The following PTER variants were observed in gnomAD, a reference collection of about 807,000 sequenced individuals.
PTER encodes N-acetyltaurine hydrolase.
Under a neutral mutation model 29.6 loss-of-function variants are expected in PTER, and 38 were observed. The ratio of observed to expected loss-of-function variants is 1.28; its 90% confidence interval spans 0.99 to 1.68. The LOEUF is 1.68. PTER is among the 40% of genes most tolerant of loss of function. PTER has a pLI of 0.00. For synonymous variants in PTER, 172 were observed against 154.5 expected (o/e 1.11, Z -0.84); for missense variants, 482 against 427.8 (o/e 1.13, Z -1.12).
At chr10:16,481,922 A>G (rs568059661) in intron 1 of PTER, among the ~76,000 whole-genome samples, 91 of 152,282 alleles carry the variant, frequency 6.0e-4, no homozygotes, top group Non-Finnish European at 1.1e-3. Flanking sequence ...CATGAACTAC[A>G]CACTCCTTGC....
rs922705735 is a variant in PTER at position 16,512,034 on chromosome 10, A to G, written c.*778A>G. 6.6e-6 allele frequency: 1 copy of G among 152,010 alleles called. No homozygotes were observed. The highest frequency in any genetic ancestry group is 2.4e-5 in the African/African-American group (1 of 41,064). The allele number at this position is 152,010 out of a possible 1,614,324, so 9.4% of individuals were successfully genotyped here. ...TACATTTATAATAACAAAGGCCACA[A>G]TTTAATTAATTGGTAAGATATAATG... On this transcript the variant is annotated 3_prime_UTR_variant, in exon 5 of 5. Transcript: ENST00000535784.
downstream of PTER, among the ~76,000 whole-genome samples, chr10:16,515,286 C>A (rs1836933364): frequency 6.6e-6 from 1 of 151,380 alleles, no homozygotes; most frequent in Non-Finnish European, 1.5e-5. Context: ...TCATGTAAAG[C>A]CCCCTTTACC....
At chr10:16,479,904 C>T (rs1835414867) in intron 1 of PTER, among the ~76,000 whole-genome samples, 1 of 151,554 alleles carries the variant, frequency 6.6e-6, no homozygotes, top group Admixed American at 6.6e-5. Flanking sequence ...AGATGCCTTC[C>T]CGTTTTTTTG....
intron 1 of PTER, among the ~76,000 whole-genome samples, chr10:16,445,810 T>C (rs1203601215): frequency 6.6e-6 from 1 of 152,064 alleles, no homozygotes; most frequent in Non-Finnish European, 1.5e-5. Context: ...CCATGCTGTC[T>C]CCTGGGTGGT....
intron 3 of PTER, among the ~76,000 whole-genome samples, chr10:16,491,964 A>G (rs1403462745): frequency 6.6e-6 from 1 of 152,092 alleles, no homozygotes; most frequent in Non-Finnish European, 1.5e-5. Flanking sequence ...ACATACACTC[A>G]TTGTGACAAC....
chr10:16,452,634 CCTT>C (rs1020838312), intron 1 of PTER, among the ~76,000 whole-genome samples: 1 of 151,632 alleles, frequency 6.6e-6, no homozygotes, highest in African/African-American at 2.4e-5. Context: ...TCCTCCTCCT[CCTT>C]CTTCCTCTTC....
intron 3 of PTER, among the ~76,000 whole-genome samples, chr10:16,490,204 T>G (rs553634494): frequency 6.6e-6 from 1 of 152,164 alleles, no homozygotes; most frequent in Non-Finnish European, 1.5e-5. Context: ...ACAGCTCATA[T>G]AATGTATTGA....
At position 16,453,351 on chromosome 10, in the gene PTER, T is replaced by C. The variant is rs78095372; in HGVS notation, c.-49+16304T>C. Among the ~76,000 whole-genome samples, 545 of 152,318 alleles carry C rather than the reference T, an allele frequency of 3.6e-3. 27 individuals are homozygous for C. In the East Asian group the frequency reaches 0.089, roughly 25 times the overall value. Reference sequence around the variant, plus strand: ...TATTGGAAACTAAAAATTGTGCATATATACAGACACACATATATACATATA... The same window carrying C: ...TATTGGAAACTAAAAATTGTGCATACATACAGACACACATATATACATATA... On this transcript the variant is annotated intron_variant, in intron 1 of 4. Coordinates refer to ENST00000535784, the MANE Select transcript of PTER (RefSeq NM_001261836.2).
At chr10:16,479,901 T>C (rs116680609) in intron 1 of PTER, among the ~76,000 whole-genome samples, 1,717 of 151,818 alleles carry the variant, frequency 0.011, 30 homozygotes, top group African/African-American at 0.04. Flanking sequence ...CTGAGATGCC[T>C]TCCCGTTTTT....
chr10:16,455,780 G>T (rs1175961500), intron 1 of PTER, among the ~76,000 whole-genome samples: 1 of 152,166 alleles, frequency 6.6e-6, no homozygotes, highest in African/African-American at 2.4e-5. Flanking sequence ...GTGCCATAGA[G>T]ACTTTACCTA....
In PTER at chr10:16,486,400, A is replaced by C; in HGVS notation, c.481A>C (p.Ser161Arg). 2 of 1,614,032 alleles carry C rather than the reference A, an allele frequency of 1.2e-6. No individual in the cohort carries two copies. Among genetic ancestry groups the C allele is most frequent in the Non-Finnish European group, 1.7e-6 (2 of 1,179,916 alleles). The change falls in exon 3 of 5, where the codon AGT becomes CGT. Residue 161 changes from serine (S) to arginine (R), a missense_variant. Physicochemically the swap from Ser to Arg is moderately radical, Grantham distance 110. Coordinates refer to ENST00000535784, the MANE Select transcript of PTER (RefSeq NM_001261836.2). ...NEILHGADGT[S>R]IKCGIIGEIG... is the part of the protein sequence containing the mutation. ...AATTCTCCATGGAGCTGATGGAACCAGTATCAAGTGTGGCATTATTGGAGA... is the reference window on the plus strand; with the variant it reads ...AATTCTCCATGGAGCTGATGGAACCCGTATCAAGTGTGGCATTATTGGAGA...
At chr10:16,508,433 C>T (rs557714189) in intron 4 of PTER, among the ~76,000 whole-genome samples, 13 of 151,952 alleles carry the variant, frequency 8.6e-5, no homozygotes, top group East Asian at 3.9e-4. Context: ...CTTCCTTTTC[C>T]GAAGCCCCTT....
chr10:16,447,709 A>G (rs1323488777), intron 1 of PTER, among the ~76,000 whole-genome samples: 1 of 152,136 alleles, frequency 6.6e-6, no homozygotes, highest in East Asian at 1.9e-4. Context: ...TCTTTACACC[A>G]TACATCGTAT....
At chr10:16,514,380 A>G (rs1316244759), downstream of PTER, 1 of 644,382 alleles carries the variant, frequency 1.6e-6, no homozygotes, top group East Asian at 2.6e-5. Flanking sequence ...TGAGTGATAC[A>G]GATGTGAGTC....
chr10:16,488,657 G>A (rs1226914474), intron 3 of PTER, among the ~76,000 whole-genome samples: 2 of 151,928 alleles, frequency 1.3e-5, no homozygotes, highest in Admixed American at 6.6e-5. Context: ...AGGCTGGAGT[G>A]CAGTGGCATG....
At chr10:16,447,637 T>C (rs1834063543) in intron 1 of PTER, among the ~76,000 whole-genome samples, 1 of 152,234 alleles carries the variant, frequency 6.6e-6, no homozygotes. Flanking sequence ...CTTTTATCTA[T>C]AAATATGCGA....
At chr10:16,514,202 T>A (rs545505540), downstream of PTER, 34 of 401,184 alleles carry the variant, frequency 8.5e-5, no homozygotes, top group Admixed American at 1.1e-3. Context: ...TACACCAAAG[T>A]ATCATATATA....
At chr10:16,483,817 A>C (rs998621294) in intron 1 of PTER, among the ~76,000 whole-genome samples, 1 of 152,052 alleles carries the variant, frequency 6.6e-6, no homozygotes, top group African/African-American at 2.4e-5. Context: ...GTACCACTGC[A>C]CTCTAACCTG....
At chr10:16,451,332 G>A (rs1834201557) in intron 1 of PTER, among the ~76,000 whole-genome samples, 1 of 152,198 alleles carries the variant, frequency 6.6e-6, no homozygotes, top group Admixed American at 6.5e-5. Flanking sequence ...CACCCTCACA[G>A]ACATACTCAG....
Sources: gnomAD v4.1 joint callset for allele counts (sites outside exome capture counted in the v4.1 genomes callset) on GRCh38, gnomAD v4.1.1 for gene constraint, MANE v1.5 for transcripts, NCBI Gene and HGNC (gene_info 2026-07-23, HGNC 2026-07-21) for gene names.